The following NXF3 variants were observed in gnomAD, a reference collection of about 807,000 sequenced individuals.
NXF3 encodes the protein TAP-like protein 3.
NXF3 carries 34 observed loss-of-function variants against 48.4 expected under a neutral mutation model. That is an observed-to-expected ratio of 0.70 (90% CI 0.53 to 0.93). NXF3 has a LOEUF of 0.93. NXF3 is among the 40% of genes least tolerant of loss of function. NXF3 has a pLI of 0.00. For synonymous variants in NXF3, 132 were observed against 145.7 expected, an observed-to-expected ratio of 0.91 and a Z score of 0.68; for missense variants, 359 against 406.1, an observed-to-expected ratio of 0.88 and a Z score of 1.00.
At chrX:103,087,323 C>G (rs1922179988) in intron 1 of NXF3, 2 of 1,201,937 alleles carry the variant, frequency 1.7e-6, no homozygotes, top group Admixed American at 4.4e-5. Flanking sequence ...TCAAAATTAG[C>G]TAGGCACTAT....
chrX:103,086,548 C>T (rs1428945394), intron 1 of NXF3, among the ~76,000 whole-genome samples: 4 of 109,832 alleles, frequency 3.6e-5, no homozygotes, highest in African/African-American at 1.3e-4. Context: ...GGAAAAAGAA[C>T]TTAAAACAGG....
chrX:103,083,290 A>C lies in NXF3; in HGVS notation c.541-17T>G, dbSNP rs1306225147. On this transcript the variant is annotated splice_polypyrimidine_tract_variant and intron_variant, in intron 5 of 19. Transcript: ENST00000395065. ...GATTGATATCTGCAGAGAACCCAAG[A>C]GGGGCTGAGTAAACACTAGGAACTC... 1 of 1,202,176 alleles carries C rather than the reference A, an allele frequency of 8.3e-7. No individual in the cohort carries two copies. The highest frequency in any genetic ancestry group is 3.0e-5 in the East Asian group (1 of 33,813).
rs1569280758 is a variant in NXF3, at chrX:103,084,334, ACACT to A, written c.351+4_351+7del. 8.3e-7 allele frequency: 1 copy of A among 1,210,345 alleles called. No homozygotes were observed. Among genetic ancestry groups the A allele is most frequent in the Admixed American group, 2.2e-5 (1 of 45,859 alleles). Reference sequence around the variant, plus strand: ...TGAACATTAGATCCACTTTGCCAGGACACTCACTGTGATCTTGAACCAGCTCCCT... The same window carrying A: ...TGAACATTAGATCCACTTTGCCAGGACACTGTGATCTTGAACCAGCTCCCT... On this transcript the variant is annotated splice_donor_5th_base_variant and intron_variant, in intron 3 of 19. Coordinates refer to ENST00000395065, the MANE Select transcript of NXF3 (RefSeq NM_022052.2).
chrX:103,082,631 A>T, intron 8 of NXF3, 129 bp downstream of exon 8: 1 of 578,738 alleles, frequency 1.7e-6, no homozygotes, highest in South Asian at 2.9e-5. Flanking sequence ...CAAGGGCAAA[A>T]GCTATGGGGA....
intron 17 of NXF3, 61 bp from the exon 18 acceptor site, chrX:103,077,807 G>A (rs2058233440): frequency 1.6e-5 from 19 of 1,166,136 alleles, no homozygotes; most frequent in Non-Finnish European, 2.1e-5. Flanking sequence ...CCCGCTACAA[G>A]GATCTTTTTC....
intron 1 of NXF3, chrX:103,088,492 C>T: frequency 9.8e-7 from 1 of 1,025,394 alleles, no homozygotes; most frequent in Admixed American, 2.3e-5. Flanking sequence ...ACTTATTAAG[C>T]ATTGATAATT....
chrX:103,085,018 G>C (rs773085422), intron 1 of NXF3, 135 bp from the exon 2 acceptor site: 1 of 571,998 alleles, frequency 1.7e-6, no homozygotes, highest in South Asian at 3.0e-5. Context: ...AGACTGTAGT[G>C]CAGTGGCATG....
At position 103,084,846 on chromosome X, in the gene NXF3, A is replaced by G. The variant is rs978139385; in HGVS notation, c.66T>C (p.Cys22=). 2 of 1,211,847 alleles carry G rather than the reference A, an allele frequency of 1.7e-6. No homozygotes were observed. Among genetic ancestry groups the G allele is most frequent in the South Asian group, 1.8e-5 (1 of 57,014 alleles). Residue 22 remains cysteine, a synonymous_variant, in exon 2 of 20, where the codon TGT becomes TGC. Transcript: ENST00000395065. ...TDQVVQRRAR[C]WDIYQRRFSS... is the part of the protein sequence containing the mutation. ...TAAATCTCCTTTGGTAAATATCCCA[A>G]CATCTTGCTCTTCTTTGAACAACTT...
intron 9 of NXF3, chrX:103,081,020 C>T: frequency 5.8e-6 from 1 of 173,763 alleles, no homozygotes; most frequent in Non-Finnish European, 1.1e-5. Flanking sequence ...GGAATGATGG[C>T]AGAAACGGGG....
chrX:103,089,241 C>T, intron 1 of NXF3: 3 of 563,068 alleles, frequency 5.3e-6, no homozygotes, highest in Admixed American at 2.5e-5. Context: ...TAAAGAACGA[C>T]CACAAGAGAA....
In NXF3 at chrX:103,079,374, G is replaced by A; in HGVS notation, c.1320C>T (p.Asp440=). 8.3e-7 allele frequency: 1 copy of A among 1,210,816 alleles called. No homozygotes were observed. The highest frequency in any genetic ancestry group is 1.1e-6 in the Non-Finnish European group (1 of 894,490). ...AGGTACTCACCGTCTGGTACCACATGTCCACCAGGAAGGAGCTGAGGTCAT... is the reference window on the plus strand; with the variant it reads ...AGGTACTCACCGTCTGGTACCACATATCCACCAGGAAGGAGCTGAGGTCAT... ...TQHDLSSFLV[D]MWYQTEWMLC... The change falls in exon 15 of 20, where the codon GAC becomes GAT. Residue 440 remains aspartate (D), a synonymous_variant. Coordinates refer to ENST00000395065, the MANE Select transcript of NXF3 (RefSeq NM_022052.2).
At chrX:103,091,296 T>C (rs949905280) in intron 1 of NXF3, among the ~76,000 whole-genome samples, 1 of 112,274 alleles carries the variant, frequency 8.9e-6, no homozygotes, top group African/African-American at 3.2e-5. Flanking sequence ...AAGTGCTATT[T>C]GAAGTACCTA....
At chrX:103,080,754 C>A in intron 9 of NXF3, 142 bp from the exon 10 acceptor site, 6 of 548,838 alleles carry the variant, frequency 1.1e-5, no homozygotes, top group Non-Finnish European at 1.2e-5. Context: ...CAGCCCTGGG[C>A]AGCATTGGGA....
intron 1 of NXF3, chrX:103,089,364 C>G (rs1042845044): frequency 6.2e-6 from 2 of 323,619 alleles, no homozygotes; most frequent in African/African-American, 5.4e-5. Flanking sequence ...TATCAAGAGG[C>G]CTGCATTAAA....
intron 8 of NXF3, 33 bp from the exon 9 acceptor site, chrX:103,082,397 G>A (rs551053583): frequency 1.9e-6 from 2 of 1,028,462 alleles, no homozygotes; most frequent in South Asian, 4.0e-5. Flanking sequence ...CGTAGACCCA[G>A]GAAAGAGCAG....
Position 103,084,872 on chromosome X carries a change from G to C in NXF3, c.40C>G (p.Gln14Glu), listed in dbSNP as rs1296850219. 4 of 1,210,307 alleles carry C rather than the reference G, an allele frequency of 3.3e-6. No homozygotes were observed. The South Asian group carries it at 5.3e-5, about 16-fold the overall frequency. Residue 14 changes from glutamine to glutamate, a missense_variant, in exon 2 of 20, where the codon CAA (glutamine) becomes GAA (glutamate). Coordinates refer to ENST00000395065, the MANE Select transcript of NXF3 (RefSeq NM_022052.2). ...PSGHTTGHTD[Q>E]VVQRRARCWD... ...CATCTTGCTCTTCTTTGAACAACTT[G>C]ATCAGTGTGACCTTAAATTAAGAAC...
In NXF3 at chrX:103,076,007, G is replaced by C; in HGVS notation, c.*50-7C>G. The C allele has an allele frequency of 8.4e-6, 3 of 357,036 alleles. 1 individual carries two copies. Among genetic ancestry groups the C allele is most frequent in the South Asian group, 1.4e-4 (2 of 14,487 alleles). 29.4% of individuals were successfully genotyped at this position (357,036 alleles called of 1,213,427 possible). On this transcript the variant is annotated splice_region_variant and splice_polypyrimidine_tract_variant and intron_variant, in intron 19 of 19. Coordinates refer to ENST00000395065, the MANE Select transcript of NXF3 (RefSeq NM_022052.2). ...CAGTCACAGGGAAATACATCTATTG[G>C]AACAAAAATACAGGGAAGATGATGA...
intron 1 of NXF3, among the ~76,000 whole-genome samples, chrX:103,085,367 G>T (rs890448115): frequency 2.7e-5 from 3 of 111,402 alleles, no homozygotes; most frequent in African/African-American, 9.8e-5. Context: ...CCCTTTTCAG[G>T]CTGGGTAACA....
Position 103,080,597 on chromosome X carries a change from C to T in NXF3, c.906G>A (p.Leu302=). The change falls in exon 10 of 20, where the codon TTG becomes TTA. Residue 302 remains leucine (L), a synonymous_variant. Coordinates refer to ENST00000395065, the MANE Select transcript of NXF3 (RefSeq NM_022052.2). Reference sequence around the variant, plus strand: ...TTACCAGGCATAATAATTTGGGGAACAATTCCAGGATGGAGCTGCCGAAAA... The same window carrying T: ...TTACCAGGCATAATAATTTGGGGAATAATTCCAGGATGGAGCTGCCGAAAA... ...TSSNINSILE[L]FPKLLCLDGQ... is the part of the protein sequence containing the mutation. 1 of 1,211,152 alleles carries T rather than the reference C, an allele frequency of 8.3e-7. No homozygotes were observed.
Sources: gnomAD v4.1 joint callset for allele counts (sites outside exome capture counted in the v4.1 genomes callset) on GRCh38, gnomAD v4.1.1 for gene constraint, MANE v1.5 for transcripts, NCBI Gene and HGNC (gene_info 2026-07-23, HGNC 2026-07-21) for gene names.